Variants in ALG14 observed in about 807,000 individuals in gnomAD.
The protein encoded by ALG14 is UDP-N-acetylglucosamine transferase subunit ALG14.
A neutral mutation model predicts 22.8 loss-of-function variants in ALG14; 17 were observed. The ratio of observed to expected loss-of-function variants is 0.75; its 90% confidence interval spans 0.51 to 1.12. The LOEUF (loss-of-function observed/expected upper bound fraction) is 1.12. ALG14 is among the 50% of genes most tolerant of loss of function. The pLI, the probability that ALG14 is intolerant of heterozygous loss-of-function variation, is 0.00. For missense variants in ALG14, 288 were observed against 271.8 expected, an observed-to-expected ratio of 1.06 and a Z score of -0.42; for synonymous variants, 89 against 103.7, an observed-to-expected ratio of 0.86 and a Z score of 0.86.
rs730882050 is a variant in ALG14, at chr1:95,064,960, G to A, written c.194C>T (p.Pro65Leu). The change falls in exon 2 of 4, where the codon CCT (proline) becomes CTT (leucine). Residue 65 changes from proline to leucine, a missense_variant. By Grantham distance (98) the Pro-to-Leu change is moderately conservative (BLOSUM62 -3). Transcript: ENST00000370205. The part of the protein sequence containing the change: ...LLGSLSNAYS[P>L]RHYVIADTDE... ...AGTGTCAGCAATGACATAATGTCTA[G>A]GTGAGTAGGCATTGGACAAGCTCCC... The A allele has an allele frequency of 6.2e-7, 1 of 1,613,630 alleles. No individual in the cohort carries two copies. The highest frequency in any genetic ancestry group is 8.5e-7 in the Non-Finnish European group (1 of 1,179,734).
At chr1:95,027,398 G>T in intron 2 of ALG14, 138 bp from the exon 3 acceptor site, 1 of 1,028,226 alleles carries the variant, frequency 9.7e-7, no homozygotes, top group Non-Finnish European at 1.4e-6. Context: ...AATTAGAGTT[G>T]TAATGCCTAT....
intron 1 of ALG14, 54 bp from the exon 2 acceptor site, chr1:95,065,071 A>G: frequency 1.3e-6 from 2 of 1,526,092 alleles, no homozygotes; most frequent in Non-Finnish European, 1.8e-6. Context: ...GGACATATCC[A>G]TTTGACCATG....
chr1:95,072,812 C>A lies in ALG14; in HGVS notation c.87G>T (p.Met29Ile), dbSNP rs777499993. 2 of 1,614,192 alleles carry A rather than the reference C, an allele frequency of 1.2e-6. No individual in the cohort carries two copies. Among genetic ancestry groups the A allele is most frequent in the Non-Finnish European group, 1.7e-6 (2 of 1,180,028 alleles). Residue 29 changes from methionine (M) to isoleucine (I), a missense_variant, in exon 1 of 4, where the codon ATG becomes ATT. By Grantham distance (10) the Met-to-Ile change is conservative. Transcript: ENST00000370205. The part of the protein sequence containing the change: ...ILRIWVVLRS[M>I]DVTPRESLSI... ...TGAGAGACTCCCGGGGCGTAACGTC[C>A]ATGGAACGAAGCACTACCCATATTC...
rs549063823 is a variant in ALG14, at chr1:95,055,753, G to A, written c.288+9113C>T. Among the ~76,000 whole-genome samples the A allele has an allele frequency of 2.2e-3, 328 of 150,746 alleles. 2 individuals carry two copies. The highest frequency in any genetic ancestry group is 3.9e-3 in the Non-Finnish European group (261 of 67,754). The stretch of plus-strand genomic sequence containing the variant: ...CACACCTGTAATCCCAGCACTGTGG[G>A]AGGCCCAGGCGGGCGGATCACGAGG... On this transcript the variant is annotated intron_variant, in intron 2 of 3. Transcript: ENST00000370205.
intron 1 of ALG14, among the ~76,000 whole-genome samples, chr1:95,068,791 T>C (rs1304364749): frequency 6.6e-6 from 1 of 152,148 alleles, no homozygotes; most frequent in Non-Finnish European, 1.5e-5. Flanking sequence ...GAAGGCACCA[T>C]TTGCCAGGTG....
chr1:94,990,268 G>A (rs142139565), intron 3 of ALG14, among the ~76,000 whole-genome samples: 21 of 152,200 alleles, frequency 1.4e-4, no homozygotes, highest in African/African-American at 4.8e-4. Context: ...GAATGTCAGC[G>A]ATCAGTGGAG....
At chr1:95,029,309 C>G (rs1673924468) in intron 2 of ALG14, among the ~76,000 whole-genome samples, 1 of 152,224 alleles carries the variant, frequency 6.6e-6, no homozygotes, top group African/African-American at 2.4e-5. Flanking sequence ...CATTATGCAA[C>G]AGCTAGCCTC....
At chr1:95,066,713 G>A (rs1398177852) in intron 1 of ALG14, among the ~76,000 whole-genome samples, 2 of 152,144 alleles carry the variant, frequency 1.3e-5, no homozygotes, top group South Asian at 2.1e-4. Context: ...ACTCATTTTA[G>A]TATCTTTGGT....
At chr1:95,052,714 C>T (rs1476268540) in intron 2 of ALG14, among the ~76,000 whole-genome samples, 1 of 151,908 alleles carries the variant, frequency 6.6e-6, no homozygotes, top group Non-Finnish European at 1.5e-5. Flanking sequence ...AAAAATGACT[C>T]AGGTGTGGTG....
chr1:94,986,681 C>A lies in ALG14; in HGVS notation c.421-3375G>T, dbSNP rs538786595. ...AGAGACGGGGTTTCACCATGTTGGC[C>A]AGGATGGTCTCGATCTCTTGACCTC... is the stretch of plus-strand genomic sequence containing the variant. On this transcript the variant is annotated intron_variant, in intron 3 of 3. Transcript: ENST00000370205. Among the ~76,000 whole-genome samples the A allele has an allele frequency of 1.1e-3, 169 of 151,976 alleles. 1 individual carries two copies. The highest frequency in any genetic ancestry group is 1.9e-3 in the Non-Finnish European group (127 of 67,974).
intron 3 of ALG14, among the ~76,000 whole-genome samples, chr1:95,008,988 A>G (rs538960117): frequency 1.3e-4 from 20 of 152,274 alleles, no homozygotes; most frequent in African/African-American, 4.6e-4. Flanking sequence ...GGCATGTATC[A>G]GAATTGCATT....
intron 3 of ALG14, among the ~76,000 whole-genome samples, chr1:95,002,434 G>T (rs1673094246): frequency 6.6e-6 from 1 of 152,108 alleles, no homozygotes; most frequent in Non-Finnish European, 1.5e-5. Flanking sequence ...GCAGGGGAAG[G>T]AGGATGAACA....
chr1:95,072,682 G>A (rs1349241166), intron 1 of ALG14, 81 bp downstream of exon 1: 1 of 1,561,394 alleles, frequency 6.4e-7, no homozygotes. Context: ...AGTGCTAAGG[G>A]TACCAGGGAA....
At chr1:95,043,507 A>G (rs1037188016) in intron 2 of ALG14, among the ~76,000 whole-genome samples, 1 of 152,218 alleles carries the variant, frequency 6.6e-6, no homozygotes, top group Admixed American at 6.5e-5. Context: ...TGAGGCATTA[A>G]AAGGCCGACT....
intron 3 of ALG14, among the ~76,000 whole-genome samples, chr1:95,016,986 T>TA (rs1673518361): frequency 6.8e-6 from 1 of 145,990 alleles, no homozygotes; most frequent in East Asian, 2.0e-4. Context: ...TGTGTGTGTG[T>TA]GTGTGTGTGT....
chr1:95,019,380 C>T (rs1673592043), intron 3 of ALG14, among the ~76,000 whole-genome samples: 1 of 152,174 alleles, frequency 6.6e-6, no homozygotes, highest in South Asian at 2.1e-4. Context: ...AGCTCTCTAA[C>T]CTGTTTCTGA....
intron 2 of ALG14, among the ~76,000 whole-genome samples, chr1:95,064,415 G>A (rs1675279334): frequency 6.6e-6 from 1 of 152,110 alleles, no homozygotes; most frequent in African/African-American, 2.4e-5. Context: ...TTGGCTCTGG[G>A]TTTGTCATAT....
chr1:95,024,432 A>T (rs1330189726), intron 3 of ALG14, among the ~76,000 whole-genome samples: 1 of 152,208 alleles, frequency 6.6e-6, no homozygotes, highest in Admixed American at 6.5e-5. Context: ...GATATTTTTT[A>T]AAATACTGGA....
At chr1:94,988,225 T>C (rs767580958) in intron 3 of ALG14, among the ~76,000 whole-genome samples, 2 of 152,084 alleles carry the variant, frequency 1.3e-5, no homozygotes, top group African/African-American at 2.4e-5. Flanking sequence ...CATGTAGGAA[T>C]TGTCAATAAA....
Sources: allele counts gnomAD v4.1 joint callset (sites outside exome capture counted in the v4.1 genomes callset), GRCh38; gene constraint gnomAD v4.1.1; transcripts MANE v1.5; gene names NCBI Gene and HGNC (gene_info 2026-07-23, HGNC 2026-07-21).